The following AP3D1 variants were observed in gnomAD, a reference collection of about 807,000 sequenced individuals.
AP3D1 encodes the protein AP-3 complex subunit delta-1.
A neutral mutation model predicts 147.6 loss-of-function variants in AP3D1; 51 were observed. The ratio of observed to expected loss-of-function variants is 0.35; its 90% CI spans 0.28 to 0.44. AP3D1 has a LOEUF of 0.44. Among genes scored for constraint, AP3D1 ranks in the 20% least tolerant of loss-of-function variants. The pLI, the probability that AP3D1 is intolerant of heterozygous loss-of-function variation, is 1.00. For synonymous variants in AP3D1, 760 were observed against 663.0 expected (o/e 1.15, Z -2.25); for missense variants, 1,421 against 1,624.2 (o/e 0.87, Z 2.15).
upstream of AP3D1, chr19:2,164,583 G>A (rs2019836063): frequency 1.4e-5 from 3 of 217,698 alleles, no homozygotes; most frequent in Admixed American, 1.2e-4. Flanking sequence ...GTTTTGACTG[G>A]AAGCCCGCCC....
intron 1 of AP3D1, among the ~76,000 whole-genome samples, chr19:2,157,200 T>C (rs2144599161): frequency 6.6e-6 from 1 of 151,096 alleles, no homozygotes; most frequent in South Asian, 2.1e-4. Flanking sequence ...CCCAGCACTT[T>C]GGGAGGCCGA....
chr19:2,116,540 C>T (rs1205846282), intron 17 of AP3D1, 65 bp downstream of exon 17: 7 of 1,482,010 alleles, frequency 4.7e-6, no homozygotes, highest in Non-Finnish European at 6.3e-6. Flanking sequence ...CGCTGACCTG[C>T]CTCAAAGACT....
At chr19:2,139,054 C>A (rs537465243) in intron 1 of AP3D1, among the ~76,000 whole-genome samples, 1 of 119,222 alleles carries the variant, frequency 8.4e-6, no homozygotes, top group Non-Finnish European at 1.7e-5. Flanking sequence ...AGCCAGACTC[C>A]GTCTCAAAAA....
At chr19:2,151,917 C>A (rs546240280), upstream of AP3D1, among the ~76,000 whole-genome samples, 3 of 152,238 alleles carry the variant, frequency 2.0e-5, no homozygotes, top group Admixed American at 2.0e-4. Flanking sequence ...CGGCAAGTTC[C>A]CGAGGAAGAC....
intron 18 of AP3D1, 136 bp from the exon 19 acceptor site, chr19:2,115,749 G>A (rs539871833): frequency 1.7e-5 from 15 of 895,582 alleles, no homozygotes; most frequent in Admixed American, 5.7e-5. Context: ...CCTGGGCCGC[G>A]AGGAGCGCCG....
At chr19:2,116,484 C>T (rs1042671023) in intron 17 of AP3D1, 121 bp downstream of exon 17, 29 of 1,336,610 alleles carry the variant, frequency 2.2e-5, no homozygotes, top group African/African-American at 1.8e-4. Context: ...GAGGCAGGGA[C>T]GCCCATGCCT....
chr19:2,138,099 G>C (rs1429490059), intron 2 of AP3D1, among the ~76,000 whole-genome samples: 1 of 152,188 alleles, frequency 6.6e-6, no homozygotes, highest in Non-Finnish European at 1.5e-5. Context: ...ACCAACCCTT[G>C]GCGAATCGGC....
At chr19:2,152,584 TG>T (rs1023800292), upstream of AP3D1, among the ~76,000 whole-genome samples, 98 of 149,112 alleles carry the variant, frequency 6.6e-4, no homozygotes, top group African/African-American at 2.2e-3. Flanking sequence ...CAATAAAAAC[TG>T]GGGTAAGATG....
intron 31 of AP3D1, among the ~76,000 whole-genome samples, chr19:2,104,519 C>A (rs1388313448): frequency 3.3e-5 from 5 of 151,418 alleles, no homozygotes; most frequent in African/African-American, 1.2e-4. Flanking sequence ...GACCCCAATG[C>A]CAAGACACCA....
intron 22 of AP3D1, 150 bp downstream of exon 22, chr19:2,113,975 C>T: frequency 2.2e-6 from 3 of 1,380,952 alleles, no homozygotes; most frequent in Non-Finnish European, 1.9e-6. Context: ...GCCACATGTC[C>T]TCACTCCGCC....
At chr19:2,164,335 A>C (rs1342458057) in intron 1 of AP3D1, 18 of 1,101,050 alleles carry the variant, frequency 1.6e-5, no homozygotes, top group Non-Finnish European at 1.7e-5. Flanking sequence ...GACACCCCAA[A>C]CCCCCCCAAG....
At chr19:2,158,608 C>CTT (rs1210998373) in intron 1 of AP3D1, among the ~76,000 whole-genome samples, 5 of 143,760 alleles carry the variant, frequency 3.5e-5, no homozygotes, top group African/African-American at 1.0e-4. Flanking sequence ...GATCCCAGCT[C>CTT]TTTTTTTTTT....
chr19:2,163,142 C>T (rs964680553), intron 1 of AP3D1, among the ~76,000 whole-genome samples: 3 of 152,076 alleles, frequency 2.0e-5, no homozygotes, highest in African/African-American at 7.3e-5. Context: ...GGTGCAATAT[C>T]GGCTCACTGC....
chr19:2,111,024 GC>G (rs2018259885), intron 26 of AP3D1, 128 bp from the exon 27 acceptor site: 7 of 1,107,430 alleles, frequency 6.3e-6, no homozygotes, highest in Middle Eastern at 3.0e-4. Context: ...GGAGAGGGGC[GC>G]CCCCTAGCCG....
At chr19:2,130,030 A>T (rs2145110685) in intron 6 of AP3D1, among the ~76,000 whole-genome samples, 1 of 152,290 alleles carries the variant, frequency 6.6e-6, no homozygotes, top group Non-Finnish European at 1.5e-5. Context: ...CAGTCACCAC[A>T]CCACAAATAC....
intron 1 of AP3D1, among the ~76,000 whole-genome samples, chr19:2,160,107 C>A (rs941381604): frequency 2.0e-5 from 3 of 152,058 alleles, no homozygotes; most frequent in Admixed American, 6.6e-5. Context: ...CCTCAGCCTC[C>A]CAAAGTGCTG....
intron 1 of AP3D1, among the ~76,000 whole-genome samples, chr19:2,158,056 TTTTG>T (rs750489037): frequency 1.3e-5 from 2 of 152,044 alleles, no homozygotes; most frequent in Admixed American, 6.6e-5. Context: ...CTCAGCAGAA[TTTTG>T]TTTGTTTGTT....
chr19:2,102,795 AAAT>A (rs1168515176), intron 31 of AP3D1, among the ~76,000 whole-genome samples: 1 of 151,234 alleles, frequency 6.6e-6, no homozygotes, highest in Non-Finnish European at 1.5e-5. Flanking sequence ...TAAAAATAAA[AAAT>A]GTGCCGGGCA....
At chr19:2,116,456 G>A (rs921738179) in intron 17 of AP3D1, 149 bp downstream of exon 17, 62 of 1,243,492 alleles carry the variant, frequency 5.0e-5, no homozygotes, top group Non-Finnish European at 2.5e-5. Flanking sequence ...GGGGGAAAAG[G>A]AATCGCTAAC....
Sources: allele counts gnomAD v4.1 joint callset (sites outside exome capture counted in the v4.1 genomes callset), GRCh38; gene constraint gnomAD v4.1.1; transcripts MANE v1.5; gene names NCBI Gene and HGNC (gene_info 2026-07-23, HGNC 2026-07-21).